The following ST6GALNAC3 variants were observed in gnomAD, a reference collection of about 807,000 sequenced individuals.
The protein encoded by ST6GALNAC3 is alpha-N-acetylgalactosaminide alpha-2,6-sialyltransferase 3.
In ST6GALNAC3, 25 loss-of-function variants were observed where a neutral mutation model predicts 32.7. The observed-to-expected ratio is 0.76, with a 90% confidence interval of 0.56 to 1.07. ST6GALNAC3 has a LOEUF of 1.07. Ranked by LOEUF, ST6GALNAC3 falls within the 50% of genes least tolerant of loss-of-function variation. The pLI is 0.00. For synonymous variants in ST6GALNAC3, 129 were observed against 133.1 expected, an observed-to-expected ratio of 0.97 and a Z score of 0.21; for missense variants, 355 against 382.4, an observed-to-expected ratio of 0.93 and a Z score of 0.60.
chr1:76,449,574 A>T (rs150906218), intron 3 of ST6GALNAC3, among the ~76,000 whole-genome samples: 18 of 152,298 alleles, frequency 1.2e-4, no homozygotes, highest in African/African-American at 3.8e-4. Flanking sequence ...CCAGCATTTG[A>T]TGTTGTCAGT....
intron 3 of ST6GALNAC3, among the ~76,000 whole-genome samples, chr1:76,553,781 TAG>T (rs1213197783): frequency 1.3e-5 from 2 of 152,204 alleles, no homozygotes; most frequent in East Asian, 1.9e-4. Context: ...GCTCAATAAG[TAG>T]AGTTTCCATC....
At chr1:76,344,365 G>A (rs1041463461) in intron 2 of ST6GALNAC3, among the ~76,000 whole-genome samples, 6 of 152,090 alleles carry the variant, frequency 3.9e-5, no homozygotes, top group African/African-American at 7.2e-5. Flanking sequence ...CTTCTAAAGC[G>A]ACATTTCCTG....
chr1:76,075,517 G>A, intron 1 of ST6GALNAC3, among the ~76,000 whole-genome samples: 1 of 152,172 alleles, frequency 6.6e-6, no homozygotes, highest in East Asian at 1.9e-4. Context: ...TAGACAAAAT[G>A]ATTTTATGCT....
intron 2 of ST6GALNAC3, among the ~76,000 whole-genome samples, chr1:76,340,488 G>T (rs1647870928): frequency 6.6e-6 from 1 of 152,136 alleles, no homozygotes; most frequent in African/African-American, 2.4e-5. Flanking sequence ...TACAAAGAGA[G>T]AAATCATCAA....
At chr1:76,637,177 G>T (rs341016), downstream of ST6GALNAC3, 1 of 151,868 alleles carries the variant, frequency 6.6e-6, no homozygotes, top group Non-Finnish European at 1.5e-5. Flanking sequence ...GCCATTTTCC[G>T]TGATTATAAA....
chr1:76,385,433 G>T (rs1053333705), intron 2 of ST6GALNAC3, among the ~76,000 whole-genome samples: 2 of 152,096 alleles, frequency 1.3e-5, no homozygotes, highest in South Asian at 4.1e-4. Context: ...GAGAGACTGA[G>T]GTTAAATCCC....
At chr1:76,288,346 C>T (rs9437406) in intron 1 of ST6GALNAC3, among the ~76,000 whole-genome samples, 125,013 of 152,154 alleles carry the variant, frequency 0.82, 51,484 homozygotes, top group Admixed American at 0.88. Context: ...GCTCCCCCAC[C>T]ACCTTGATAT....
intron 1 of ST6GALNAC3, among the ~76,000 whole-genome samples, chr1:76,167,329 G>A (rs552655205): frequency 6.6e-6 from 1 of 152,298 alleles, no homozygotes; most frequent in South Asian, 2.1e-4. Context: ...AACCAACCTT[G>A]CATCCCAGGG....
chr1:76,212,900 A>T (rs1160310310), intron 1 of ST6GALNAC3, among the ~76,000 whole-genome samples: 1 of 152,176 alleles, frequency 6.6e-6, no homozygotes, highest in Non-Finnish European at 1.5e-5. Context: ...CAAGTCTAAA[A>T]CACAGGAAGG....
At chr1:76,185,095 A>G (rs560887773) in intron 1 of ST6GALNAC3, among the ~76,000 whole-genome samples, 2 of 152,274 alleles carry the variant, frequency 1.3e-5, no homozygotes, top group Admixed American at 6.5e-5. Context: ...GAAACTGAGG[A>G]TCAGAGAGGA....
chr1:76,473,879 T>G (rs1343320670), intron 3 of ST6GALNAC3, among the ~76,000 whole-genome samples: 2 of 152,192 alleles, frequency 1.3e-5, no homozygotes, highest in Non-Finnish European at 2.9e-5. Flanking sequence ...GTGTGACTTC[T>G]GTGCCTAAAC....
At chr1:76,516,398 CT>C (rs35503834) in intron 3 of ST6GALNAC3, among the ~76,000 whole-genome samples, 1 of 151,990 alleles carries the variant, frequency 6.6e-6, no homozygotes, top group Non-Finnish European at 1.5e-5. Flanking sequence ...TTGGCTTAAA[CT>C]TTTTAAAATA....
chr1:76,415,748 T>C (rs1654576830), intron 3 of ST6GALNAC3, among the ~76,000 whole-genome samples: 1 of 152,118 alleles, frequency 6.6e-6, no homozygotes, highest in Admixed American at 6.6e-5. Flanking sequence ...TTTCTTTTAG[T>C]AGTTAAGAGA....
At chr1:76,182,290 C>A in intron 1 of ST6GALNAC3, among the ~76,000 whole-genome samples, 1 of 152,308 alleles carries the variant, frequency 6.6e-6, no homozygotes, top group South Asian at 2.1e-4. Context: ...TTGCACTGGG[C>A]AGCCACTCTT....
At chr1:76,364,796 A>G (rs1409439248) in intron 2 of ST6GALNAC3, among the ~76,000 whole-genome samples, 1 of 152,164 alleles carries the variant, frequency 6.6e-6, no homozygotes, top group Non-Finnish European at 1.5e-5. Flanking sequence ...ATTTCATACC[A>G]GTCAGAATGA....
intron 2 of ST6GALNAC3, among the ~76,000 whole-genome samples, chr1:76,349,054 C>T (rs1648754904): frequency 6.6e-6 from 1 of 152,122 alleles, no homozygotes. Flanking sequence ...CATGCTGCTT[C>T]TGTTTTCTCC....
chr1:76,450,700 A>G (rs1230459128), intron 3 of ST6GALNAC3, among the ~76,000 whole-genome samples: 1 of 152,302 alleles, frequency 6.6e-6, no homozygotes, highest in Non-Finnish European at 1.5e-5. Context: ...TTAGATATAA[A>G]TGCTTGAGCC....
At chr1:76,367,229 T>G (rs1650445630) in intron 2 of ST6GALNAC3, among the ~76,000 whole-genome samples, 1 of 152,194 alleles carries the variant, frequency 6.6e-6, no homozygotes, top group Admixed American at 6.5e-5. Flanking sequence ...GTCATTAGTT[T>G]TTCCTTTTCA....
At chr1:76,234,865 A>G (rs564308263) in intron 1 of ST6GALNAC3, among the ~76,000 whole-genome samples, 77 of 152,218 alleles carry the variant, frequency 5.1e-4, no homozygotes, top group Admixed American at 1.5e-3. Flanking sequence ...TAGCAAATCA[A>G]TCAAATTTAC....
Sources: allele counts gnomAD v4.1 joint callset (sites outside exome capture counted in the v4.1 genomes callset), GRCh38; gene constraint gnomAD v4.1.1; transcripts MANE v1.5; gene names NCBI Gene and HGNC (gene_info 2026-07-23, HGNC 2026-07-21).